Variants in PRKG1 observed in about 807,000 individuals in gnomAD.
The protein encoded by PRKG1 is cGMP-dependent protein kinase 1.
In PRKG1, 35 loss-of-function variants were observed where a neutral mutation model predicts 88.1. The observed-to-expected ratio is 0.40, with a 90% confidence interval of 0.30 to 0.53. The LOEUF (loss-of-function observed/expected upper bound fraction) is 0.53, where lower values mean the gene tolerates loss of function less well. Among genes scored for constraint, PRKG1 ranks in the 20% least tolerant of loss-of-function variants. PRKG1 has a pLI of 0.59. For missense variants in PRKG1, 540 were observed against 839.8 expected (o/e 0.64, Z 4.41); for synonymous variants, 303 against 292.5 (o/e 1.04, Z -0.37).
intron 2 of PRKG1, among the ~76,000 whole-genome samples, chr10:51,316,421 C>T (rs1038784947): frequency 5.7e-4 from 87 of 152,226 alleles, no homozygotes; most frequent in African/African-American, 2.0e-3. Flanking sequence ...CAGTGGCTCA[C>T]GCCTGTAATT....
intron 1 of PRKG1, among the ~76,000 whole-genome samples, chr10:51,016,784 T>C (rs931511121): frequency 6.7e-6 from 1 of 148,416 alleles, no homozygotes; most frequent in African/African-American, 2.5e-5. Flanking sequence ...TTCTCCTGCC[T>C]CAGCCTCCCG....
chr10:51,915,226 C>G (rs1842312930), intron 5 of PRKG1, among the ~76,000 whole-genome samples: 2 of 152,188 alleles, frequency 1.3e-5, no homozygotes, highest in Admixed American at 1.3e-4. Flanking sequence ...CTGTGAAGCT[C>G]TCTCTTTTAT....
At chr10:51,151,563 G>A (rs1169173170) in intron 1 of PRKG1, among the ~76,000 whole-genome samples, 2 of 99,226 alleles carry the variant, frequency 2.0e-5, no homozygotes, top group Non-Finnish European at 4.1e-5. Flanking sequence ...CTATGTTTTT[G>A]TTTTTGTTTT....
chr10:52,077,575 A>G (rs900299046), intron 7 of PRKG1, among the ~76,000 whole-genome samples: 2 of 152,206 alleles, frequency 1.3e-5, no homozygotes, highest in Non-Finnish European at 2.9e-5. Context: ...CGAGTTGTAC[A>G]TTTTAAATGT....
At chr10:51,422,693 C>A (rs1014725845) in intron 2 of PRKG1, among the ~76,000 whole-genome samples, 2 of 152,144 alleles carry the variant, frequency 1.3e-5, no homozygotes, top group African/African-American at 4.8e-5. Context: ...GATTCTGCTG[C>A]TGAAATTCTC....
intron 3 of PRKG1, among the ~76,000 whole-genome samples, chr10:51,784,383 C>G (rs1411580437): frequency 6.6e-6 from 1 of 152,076 alleles, no homozygotes; most frequent in Non-Finnish European, 1.5e-5. Flanking sequence ...GGATTTTAAG[C>G]ATCAGCTCGT....
At chr10:52,032,776 G>A (rs1284705564) in intron 5 of PRKG1, among the ~76,000 whole-genome samples, 2 of 152,028 alleles carry the variant, frequency 1.3e-5, no homozygotes, top group Non-Finnish European at 1.5e-5. Flanking sequence ...CAGTAACCAC[G>A]TTCTAAAAAT....
At chr10:51,839,728 C>T (rs1022258997) in intron 4 of PRKG1, among the ~76,000 whole-genome samples, 1 of 152,120 alleles carries the variant, frequency 6.6e-6, no homozygotes, top group Non-Finnish European at 1.5e-5. Flanking sequence ...CAGAAGCATG[C>T]CTTCCTATGG....
At chr10:51,246,818 A>C in intron 2 of PRKG1, among the ~76,000 whole-genome samples, 1 of 152,026 alleles carries the variant, frequency 6.6e-6, no homozygotes, top group East Asian at 1.9e-4. Context: ...GTTCACTGCT[A>C]TTCAGCCCCT....
intron 3 of PRKG1, among the ~76,000 whole-genome samples, chr10:51,629,950 A>C (rs1337588182): frequency 6.6e-6 from 1 of 152,202 alleles, no homozygotes; most frequent in Non-Finnish European, 1.5e-5. Context: ...CATCGCCCCC[A>C]TAATTCCAGT....
At chr10:50,996,311 A>G (rs1400313508) in intron 1 of PRKG1, among the ~76,000 whole-genome samples, 1 of 152,222 alleles carries the variant, frequency 6.6e-6, no homozygotes, top group Non-Finnish European at 1.5e-5. Context: ...TAAAGTTTCA[A>G]ACCTAAATCT....
chr10:52,031,656 T>G (rs559972965), intron 5 of PRKG1, among the ~76,000 whole-genome samples: 11 of 152,138 alleles, frequency 7.2e-5, no homozygotes, highest in Non-Finnish European at 8.8e-5. Context: ...GGTTATGCGT[T>G]CTAAGCATAA....
intron 2 of PRKG1, among the ~76,000 whole-genome samples, chr10:51,379,253 G>A (rs1478810194): frequency 3.3e-5 from 5 of 152,160 alleles, no homozygotes; most frequent in Non-Finnish European, 5.9e-5. Context: ...CAATAATGAA[G>A]AGGAGGAGAA....
chr10:52,214,663 G>A (rs2132810714), intron 9 of PRKG1, among the ~76,000 whole-genome samples: 1 of 152,248 alleles, frequency 6.6e-6, no homozygotes, highest in African/African-American at 2.4e-5. Context: ...TATGAGACTA[G>A]AGCATGAAGT....
At chr10:51,334,152 T>TTCTCTCTC (rs10568175) in intron 2 of PRKG1, among the ~76,000 whole-genome samples, 1,643 of 137,028 alleles carry the variant, frequency 0.012, 30 homozygotes, top group East Asian at 0.11. Context: ...CTCTCTCTCT[T>TTCTCTCTC]TCTCTCTCTC....
intron 2 of PRKG1, among the ~76,000 whole-genome samples, chr10:51,158,171 A>G (rs775285535): frequency 1.2e-4 from 19 of 152,018 alleles, no homozygotes; most frequent in Non-Finnish European, 2.4e-4. Context: ...ATTATATGCC[A>G]TGTACTGTTT....
chr10:51,561,799 A>G (rs2132149840), intron 3 of PRKG1, among the ~76,000 whole-genome samples: 1 of 152,284 alleles, frequency 6.6e-6, no homozygotes, highest in Middle Eastern at 3.4e-3. Flanking sequence ...TTAATGGAAT[A>G]GAGTGTTTAG....
chr10:51,965,951 T>G (rs1451262544), intron 5 of PRKG1, among the ~76,000 whole-genome samples: 1 of 152,190 alleles, frequency 6.6e-6, no homozygotes, highest in Non-Finnish European at 1.5e-5. Context: ...AAAAATACAT[T>G]CTTTAGAAAG....
At chr10:51,703,907 G>A (rs912718117) in intron 3 of PRKG1, among the ~76,000 whole-genome samples, 1 of 152,080 alleles carries the variant, frequency 6.6e-6, no homozygotes. Context: ...GGAAGGCGGA[G>A]GTGGGTGGAT....
Sources: gnomAD v4.1 joint callset for allele counts (sites outside exome capture counted in the v4.1 genomes callset) on GRCh38, gnomAD v4.1.1 for gene constraint, MANE v1.5 for transcripts, NCBI Gene and HGNC (gene_info 2026-07-23, HGNC 2026-07-21) for gene names.